Variants in LINC00632 observed in about 807,000 individuals in gnomAD.
The protein encoded by LINC00632 is ALDOA related specific transcript.
exon 5 of LINC00632, chrX:140,782,517 G>A (rs1283290693): frequency 9.0e-6 from 1 of 111,695 alleles, no homozygotes; most frequent in African/African-American, 3.3e-5. Context: ...AGAATCCAGA[G>A]TTCTAAATTA....
At chrX:140,738,144 C>T (rs750218129) in intron 3 of LINC00632, among the ~76,000 whole-genome samples, 5 of 110,732 alleles carry the variant, frequency 4.5e-5, no homozygotes, top group South Asian at 3.9e-4. Context: ...TGATGACACA[C>T]GTTTGTGATT....
intron 3 of LINC00632, among the ~76,000 whole-genome samples, chrX:140,744,518 T>C (rs1354749256): frequency 1.1e-5 from 1 of 92,299 alleles, no homozygotes; most frequent in African/African-American, 4.3e-5. Flanking sequence ...CAGGTGCCTA[T>C]AGGTAAATTA....
At chrX:140,768,481 C>T (rs1188069652) in intron 3 of LINC00632, among the ~76,000 whole-genome samples, 5 of 105,413 alleles carry the variant, frequency 4.7e-5, no homozygotes, top group Non-Finnish European at 5.8e-5. Context: ...TGAAAGAGCA[C>T]TGCTGCTTCC....
intron 3 of LINC00632, among the ~76,000 whole-genome samples, chrX:140,766,156 C>A (rs990606959): frequency 9.0e-6 from 1 of 111,521 alleles, no homozygotes; most frequent in South Asian, 3.8e-4. Flanking sequence ...CACGGCAGAT[C>A]CCCTTAGCTG....
intron 2 of LINC00632, among the ~76,000 whole-genome samples, chrX:140,730,815 C>T (rs1258082145): frequency 8.9e-6 from 1 of 111,819 alleles, no homozygotes; most frequent in African/African-American, 3.3e-5. Flanking sequence ...ACATTGAATA[C>T]CCAACACCAT....
At chrX:140,748,814 T>C (rs1277135474) in intron 3 of LINC00632, among the ~76,000 whole-genome samples, 3 of 105,883 alleles carry the variant, frequency 2.8e-5, no homozygotes, top group Non-Finnish European at 3.8e-5. Context: ...ATATATTTTA[T>C]CTATGATATA....
At chrX:140,742,137 G>T (rs1931232624) in intron 3 of LINC00632, among the ~76,000 whole-genome samples, 1 of 111,355 alleles carries the variant, frequency 9.0e-6, no homozygotes, top group African/African-American at 3.3e-5. Flanking sequence ...TGAATATATT[G>T]GTTACATCTT....
chrX:140,790,408 A>G (rs1013455193), exon 5 of LINC00632, among the ~76,000 whole-genome samples: 2 of 110,953 alleles, frequency 1.8e-5, no homozygotes, highest in African/African-American at 3.3e-5. Flanking sequence ...TTTCTGTTCA[A>G]CTGATAATAT....
chrX:140,745,848 A>G (rs1931319619), intron 3 of LINC00632, among the ~76,000 whole-genome samples: 1 of 112,028 alleles, frequency 8.9e-6, no homozygotes. Flanking sequence ...AGGCCCAAGA[A>G]AATATGGAAA....
intron 3 of LINC00632, among the ~76,000 whole-genome samples, chrX:140,756,503 G>A (rs1031331650): frequency 9.0e-6 from 1 of 111,351 alleles, no homozygotes; most frequent in Non-Finnish European, 1.9e-5. Context: ...ATGGAATAGG[G>A]GAAGGGAGCA....
At chrX:140,775,929 GA>G (rs749882231) in exon 5 of LINC00632, among the ~76,000 whole-genome samples, 24 of 105,220 alleles carry the variant, frequency 2.3e-4, no homozygotes, top group East Asian at 1.2e-3. Flanking sequence ...GAAGGAAAAG[GA>G]AAAAAAAAAG....
chrX:140,726,228 C>T (rs1042938156), intron 2 of LINC00632, among the ~76,000 whole-genome samples: 1 of 111,464 alleles, frequency 9.0e-6, no homozygotes, highest in East Asian at 2.8e-4. Flanking sequence ...CCCTGCAACA[C>T]TCAGCCTGGC....
At chrX:140,759,185 G>A (rs1455080220) in intron 3 of LINC00632, among the ~76,000 whole-genome samples, 33 of 106,404 alleles carry the variant, frequency 3.1e-4, no homozygotes, top group African/African-American at 1.1e-3. Flanking sequence ...TGTTGGTCAG[G>A]CTGGTCTCGA....
At chrX:140,723,805 CAT>C (rs1930821363) in intron 2 of LINC00632, among the ~76,000 whole-genome samples, 1 of 459 alleles carries the variant, frequency 2.2e-3, no homozygotes, top group Non-Finnish European at 3.5e-3. Flanking sequence ...TACACACACA[CAT>C]ACACAGACAC....
intron 2 of LINC00632, among the ~76,000 whole-genome samples, chrX:140,725,030 CAT>C (rs748945450): frequency 1.3e-3 from 93 of 71,325 alleles, no homozygotes; most frequent in Non-Finnish European, 2.3e-3. Flanking sequence ...ACACACATTC[CAT>C]ACACACACAC....
At chrX:140,756,157 T>C (rs991404078) in intron 3 of LINC00632, among the ~76,000 whole-genome samples, 12 of 112,214 alleles carry the variant, frequency 1.1e-4, no homozygotes, top group Admixed American at 8.6e-4. Context: ...CATGGAGCCA[T>C]GGATTTAGAT....
At position 140,751,393 on chromosome X, in the gene LINC00632, C is replaced by T; in HGVS notation, n.191+17429C>T. The stretch of plus-strand genomic sequence containing the variant: ...TAATTGGTGATGTTGAGCATTTTTT[C>T]ATATGTTTGTTGGCTGTTTGTATAT... On this transcript the variant is annotated intron_variant and non_coding_transcript_variant, in intron 3 of 4. Coordinates refer to ENST00000648200, the Ensembl canonical transcript of LINC00632. 1.9e-5 allele frequency among the ~76,000 whole-genome samples: 2 copies of T among 106,739 alleles called. 1 individual carries two copies. Among genetic ancestry groups the T allele is most frequent in the Middle Eastern group, 8.8e-3 (2 of 227 alleles). 92.7% of individuals were successfully genotyped at this position (106,739 alleles called of 115,157 possible).
At chrX:140,756,715 C>G (rs756099205) in intron 3 of LINC00632, among the ~76,000 whole-genome samples, 11 of 112,116 alleles carry the variant, frequency 9.8e-5, no homozygotes, top group African/African-American at 3.6e-4. Flanking sequence ...ATTTAGTTAA[C>G]AGCTTTTCAA....
chrX:140,726,660 C>T (rs1015368330), intron 2 of LINC00632, among the ~76,000 whole-genome samples: 13 of 111,437 alleles, frequency 1.2e-4, no homozygotes, highest in Non-Finnish European at 2.1e-4. Context: ...CCTACAATGG[C>T]GACTTACCTC....
Sources: allele counts gnomAD v4.1 joint callset (sites outside exome capture counted in the v4.1 genomes callset), GRCh38; gene constraint gnomAD v4.1.1; transcripts MANE v1.5; gene names NCBI Gene and HGNC (gene_info 2026-07-23, HGNC 2026-07-21).